Variants in SLC30A8 observed in about 807,000 individuals in gnomAD.
SLC30A8 encodes proton-coupled zinc antiporter SLC30A8.
Under a neutral mutation model 36.9 loss-of-function variants are expected in SLC30A8, and 27 were observed. The ratio of observed to expected loss-of-function variants is 0.73; its 90% CI spans 0.54 to 1.01. The LOEUF (loss-of-function observed/expected upper bound fraction) is 1.01, where lower values mean the gene tolerates loss of function less well. Among genes scored for constraint, SLC30A8 ranks in the 50% least tolerant of loss-of-function variants. The probability of loss-of-function intolerance (pLI) is 0.00; values close to 1 mark genes in which losing one functional copy is unlikely to be tolerated. For synonymous variants in SLC30A8, 164 were observed against 172.4 expected, an observed-to-expected ratio of 0.95 and a Z score of 0.38; for missense variants, 439 against 452.0, an observed-to-expected ratio of 0.97 and a Z score of 0.26.
At chr8:117,051,421 T>C (rs915743010) in intron 2 of SLC30A8, among the ~76,000 whole-genome samples, 6 of 152,182 alleles carry the variant, frequency 3.9e-5, no homozygotes, top group African/African-American at 1.2e-4. Flanking sequence ...TGGGAGATGC[T>C]TGGGTCAAGG....
At chr8:117,163,339 C>A in intron 5 of SLC30A8, 86 bp from the exon 6 acceptor site, 2 of 1,005,456 alleles carry the variant, frequency 2.0e-6, no homozygotes, top group South Asian at 1.5e-5. Flanking sequence ...AGGAAAGACA[C>A]AGGGAGGTTT....
intron 2 of SLC30A8, among the ~76,000 whole-genome samples, chr8:117,091,071 CT>C (rs368311444): frequency 0.034 from 5,022 of 147,096 alleles, 186 homozygotes; most frequent in African/African-American, 0.099. Context: ...CTGAAAACAT[CT>C]TTTTTTTTTT....
At chr8:116,985,498 A>G (rs1033521890) in intron 1 of SLC30A8, among the ~76,000 whole-genome samples, 4 of 152,186 alleles carry the variant, frequency 2.6e-5, no homozygotes, top group Non-Finnish European at 5.9e-5. Flanking sequence ...TTTCTTTGCT[A>G]TGATGAGTAA....
chr8:117,065,599 T>C (rs1315986230), intron 2 of SLC30A8, among the ~76,000 whole-genome samples: 1 of 151,942 alleles, frequency 6.6e-6, no homozygotes, highest in East Asian at 1.9e-4. Context: ...CCTAATTCTT[T>C]GGAACTATCT....
intron 1 of SLC30A8, among the ~76,000 whole-genome samples, chr8:117,023,466 C>G (rs915007970): frequency 3.9e-5 from 6 of 152,092 alleles, no homozygotes; most frequent in Non-Finnish European, 8.8e-5. Context: ...GACTTGGAAC[C>G]AACCCAAATG....
chr8:116,996,651 G>A (rs1389964898), intron 1 of SLC30A8, among the ~76,000 whole-genome samples: 1 of 152,098 alleles, frequency 6.6e-6, no homozygotes, highest in Admixed American at 6.5e-5. Flanking sequence ...ATCCCGTGTA[G>A]GGCTTATAGG....
At chr8:117,159,039 T>G (rs918795334) in intron 4 of SLC30A8, among the ~76,000 whole-genome samples, 1 of 152,210 alleles carries the variant, frequency 6.6e-6, no homozygotes, top group African/African-American at 2.4e-5. Flanking sequence ...GCTGTATTTC[T>G]GATGTTGAAA....
intron 1 of SLC30A8, among the ~76,000 whole-genome samples, chr8:116,975,430 C>G (rs1455241389): frequency 6.6e-6 from 1 of 152,130 alleles, no homozygotes; most frequent in African/African-American, 2.4e-5. Flanking sequence ...GCTGTTGTCA[C>G]AGAAAATCTT....
At chr8:117,109,174 G>T (rs1820121969) in intron 2 of SLC30A8, among the ~76,000 whole-genome samples, 1 of 152,178 alleles carries the variant, frequency 6.6e-6, no homozygotes, top group East Asian at 1.9e-4. Flanking sequence ...GATTGGCCAG[G>T]CCTGTGTCAT....
In SLC30A8 at chr8:117,152,905, C is replaced by G. The variant is rs1480896502; in HGVS notation, c.272-39C>G. 3 of 1,439,940 alleles carry G rather than the reference C, an allele frequency of 2.1e-6. No homozygotes were observed. In the East Asian group the frequency reaches 7.2e-5, roughly 35 times the overall value. The allele number at this position is 1,439,940 out of a possible 1,614,324, so 89.2% of individuals were successfully genotyped here. A position where few individuals can be genotyped will look rare whatever the true frequency, so the allele number is the denominator to read the frequency against. On this transcript the variant is annotated intron_variant, in intron 2 of 7. Coordinates refer to ENST00000456015, the MANE Select transcript of SLC30A8 (RefSeq NM_173851.3). ...GCATGTCTGTGAATCTAGCTGCATTCTGGGACCTTAACACAGTGTACTATT... is the reference window on the plus strand; with the variant it reads ...GCATGTCTGTGAATCTAGCTGCATTGTGGGACCTTAACACAGTGTACTATT...
At chr8:116,951,967 G>C (rs925519231) in intron 1 of SLC30A8, among the ~76,000 whole-genome samples, 22 of 151,988 alleles carry the variant, frequency 1.4e-4, no homozygotes, top group African/African-American at 4.1e-4. Flanking sequence ...CTGTCTTAGG[G>C]GAAAGTTGAG....
chr8:116,982,624 A>G (rs1384606282), intron 1 of SLC30A8, among the ~76,000 whole-genome samples: 1 of 152,158 alleles, frequency 6.6e-6, no homozygotes, highest in Non-Finnish European at 1.5e-5. Flanking sequence ...TGATCAATCA[A>G]TCCCATTTAT....
intron 1 of SLC30A8, among the ~76,000 whole-genome samples, chr8:116,963,318 A>G (rs1311956742): frequency 6.6e-6 from 1 of 152,174 alleles, no homozygotes; most frequent in African/African-American, 2.4e-5. Context: ...CACATAACAT[A>G]TAATTGACCA....
At chr8:117,146,176 T>C (rs1308696444) in intron 1 of SLC30A8, among the ~76,000 whole-genome samples, 1 of 152,176 alleles carries the variant, frequency 6.6e-6, no homozygotes, top group Non-Finnish European at 1.5e-5. Context: ...ACATCTCAAG[T>C]TTACTGATTT....
chr8:116,977,433 G>T (rs566584416), intron 1 of SLC30A8, among the ~76,000 whole-genome samples: 1 of 137,262 alleles, frequency 7.3e-6, no homozygotes, highest in Non-Finnish European at 1.6e-5. Flanking sequence ...GATTACAGGC[G>T]TGAGCCACCG....
intron 1 of SLC30A8, among the ~76,000 whole-genome samples, chr8:117,015,014 A>AATATAT (rs34748748): frequency 0.01 from 1,526 of 147,674 alleles, 12 homozygotes; most frequent in Non-Finnish European, 0.013. Flanking sequence ...ATATATTACA[A>AATATAT]ATATATATAT....
chr8:117,147,248 A>G (rs1183488890), intron 2 of SLC30A8, 95 bp downstream of exon 2: 1 of 1,067,744 alleles, frequency 9.4e-7, no homozygotes. Context: ...GTAAGATTTA[A>G]TATTTTCTGT....
chr8:117,147,201 T>C, intron 2 of SLC30A8, 48 bp downstream of exon 2: 1 of 1,527,952 alleles, frequency 6.5e-7, no homozygotes, highest in Non-Finnish European at 9.0e-7. Context: ...AACAAAACTC[T>C]GCATCATTAT....
intron 1 of SLC30A8, among the ~76,000 whole-genome samples, chr8:116,975,592 T>G (rs1293488067): frequency 6.6e-6 from 1 of 152,186 alleles, no homozygotes; most frequent in Non-Finnish European, 1.5e-5. Flanking sequence ...CAGACCACTT[T>G]AGAGAAGTGG....
Sources: gnomAD v4.1 joint callset for allele counts (sites outside exome capture counted in the v4.1 genomes callset) on GRCh38, gnomAD v4.1.1 for gene constraint, MANE v1.5 for transcripts, NCBI Gene and HGNC (gene_info 2026-07-23, HGNC 2026-07-21) for gene names.